The following FNTB variants were observed in gnomAD, a reference collection of about 807,000 sequenced individuals.
FNTB encodes protein farnesyltransferase subunit beta.
FNTB carries 27 observed loss-of-function variants against 59.4 expected under a neutral mutation model. The observed-to-expected ratio is 0.45, with a 90% CI of 0.34 to 0.63. The LOEUF is 0.63. Ranked by LOEUF, FNTB falls within the 20% of genes least tolerant of loss-of-function variation. FNTB has a pLI of 0.02. For synonymous variants in FNTB, 230 were observed against 220.7 expected (o/e 1.04, Z -0.37); for missense variants, 449 against 559.6 (o/e 0.80, Z 1.99).
At chr14:65,005,449 T>TTTCCTTTC (rs2061565329) in intron 2 of FNTB, among the ~76,000 whole-genome samples, 6 of 119,814 alleles carry the variant, frequency 5.0e-5, no homozygotes, top group Non-Finnish European at 7.0e-5. Flanking sequence ...TCTTCCTTTC[T>TTTCCTTTC]TTTCTTTCTT....
rs199748416 is a variant in FNTB at position 65,012,423 on chromosome 14, A to T, written c.282+34A>T. The stretch of plus-strand genomic sequence containing the variant: ...ATTACCCAGGAACTCTTGCTGTCAA[A>T]TTATCCACCAAATCCTCCTCCTTTT... On this transcript the variant is annotated intron_variant, in intron 3 of 11. Transcript: ENST00000246166. This position sits in a 1 kb window ranked among gnomAD's most constrained non-coding sequence, Gnocchi z 5.0. 1 of 1,613,152 alleles carries T rather than the reference A, an allele frequency of 6.2e-7. No individual in the cohort carries two copies. The highest frequency in any genetic ancestry group is 8.5e-7 in the Non-Finnish European group (1 of 1,179,186).
rs1029094500 is a variant in FNTB at position 65,023,527 on chromosome 14, T to A, written c.375-3926T>A. 2.6e-5 allele frequency among the ~76,000 whole-genome samples: 4 copies of A among 152,240 alleles called. No homozygotes were observed. The highest frequency in any genetic ancestry group is 1.3e-4 in the Admixed American group (2 of 15,278). Reference sequence around the variant, plus strand: ...AAAGTGGTGGTGTCCAGCAGAACTTTCTGTGATAATGAAAATGTTCTATAT... The same window carrying A: ...AAAGTGGTGGTGTCCAGCAGAACTTACTGTGATAATGAAAATGTTCTATAT... On this transcript the variant is annotated intron_variant, in intron 4 of 11. Coordinates refer to ENST00000246166, the MANE Select transcript of FNTB (RefSeq NM_002028.4). The surrounding 1 kb of genome is among the most constrained non-coding windows in gnomAD (Gnocchi z 4.1).
intron 4 of FNTB, chr14:65,021,925 C>G: frequency 2.2e-6 from 1 of 456,028 alleles, no homozygotes; most frequent in Non-Finnish European, 4.4e-6. Flanking sequence ...GGATTATAGG[C>G]GTGAGCCACT....
At chr14:65,025,409 G>A (rs986435713) in intron 4 of FNTB, among the ~76,000 whole-genome samples, 3 of 152,240 alleles carry the variant, frequency 2.0e-5, no homozygotes, top group African/African-American at 7.2e-5. Flanking sequence ...GCCAGCCTTT[G>A]TTAGGGCATG....
chr14:65,054,775 A>T lies in FNTB; in HGVS notation c.1182+86A>T. On this transcript the variant is annotated intron_variant, in intron 11 of 11. Transcript: ENST00000246166. The surrounding 1 kb of genome is among the most constrained non-coding windows in gnomAD (Gnocchi z 4.4). Reference sequence around the variant, plus strand: ...TCCAAGTAAGCAGAACTGGCTCTGCATTTCCTGTGTGGACAGGCGGAAGCT... The same window carrying T: ...TCCAAGTAAGCAGAACTGGCTCTGCTTTTCCTGTGTGGACAGGCGGAAGCT... 1 of 1,412,080 alleles carries T rather than the reference A, an allele frequency of 7.1e-7. No individual in the cohort carries two copies. The highest frequency in any genetic ancestry group is 9.7e-7 in the Non-Finnish European group (1 of 1,029,442). The allele number at this position is 1,412,080 out of a possible 1,614,324, so 87.5% of individuals were successfully genotyped here. A position where few individuals can be genotyped will look rare whatever the true frequency, so the allele number is the denominator to read the frequency against.
chr14:65,042,676 A>G (rs1337076506), intron 8 of FNTB, among the ~76,000 whole-genome samples: 1 of 152,222 alleles, frequency 6.6e-6, no homozygotes, highest in Non-Finnish European at 1.5e-5. Context: ...AGTAGGACCC[A>G]TATCTGAAGT....
intron 1 of FNTB, among the ~76,000 whole-genome samples, chr14:64,992,858 AG>A (rs771044340): frequency 5.3e-5 from 8 of 152,056 alleles, no homozygotes; most frequent in African/African-American, 9.7e-5. Context: ...TTTTTTTTAA[AG>A]ACAGGGTCTC....
chr14:65,059,939 T>G (rs962898533), intron 11 of FNTB, among the ~76,000 whole-genome samples: 4 of 150,186 alleles, frequency 2.7e-5, no homozygotes, highest in Non-Finnish European at 4.4e-5. Flanking sequence ...GTTCAAGCAA[T>G]TCTCCTGCTT....
chr14:65,015,855 C>T (rs775568631), intron 4 of FNTB, 139 bp downstream of exon 4: 20 of 892,748 alleles, frequency 2.2e-5, no homozygotes, highest in Middle Eastern at 2.8e-4. Flanking sequence ...TCATGACCTC[C>T]GGCAACTTCC....
rs1442786237 is a variant in FNTB at position 65,011,064 on chromosome 14, C to T, written c.210-1253C>T. ...GTAGTATGTTTTTCCCTTGCAAAAC[C>T]TACCCATTCTTTCCTTGTAGCCATT... is the stretch of plus-strand genomic sequence containing the variant. On this transcript the variant is annotated intron_variant, in intron 2 of 11. Transcript: ENST00000246166. The surrounding 1 kb of genome is among the most constrained non-coding windows in gnomAD (Gnocchi z 4.0). 6.6e-6 allele frequency among the ~76,000 whole-genome samples: 1 copy of T among 152,190 alleles called. No homozygotes were observed.
intron 9 of FNTB, among the ~76,000 whole-genome samples, chr14:65,053,003 T>C (rs984083892): frequency 6.6e-6 from 1 of 152,148 alleles, no homozygotes; most frequent in Non-Finnish European, 1.5e-5. Flanking sequence ...ACAGGGTGCA[T>C]TTCAAGAAAG....
chr14:65,036,020 A>G (rs1056333533), intron 7 of FNTB, among the ~76,000 whole-genome samples: 1 of 152,054 alleles, frequency 6.6e-6, no homozygotes, highest in African/African-American at 2.4e-5. Context: ...TCTTGTAAAG[A>G]CAGAGTCTCA....
chr14:64,990,910 A>G lies in FNTB; in HGVS notation c.144+3813A>G, dbSNP rs1888174133. On this transcript the variant is annotated intron_variant, in intron 1 of 11. Coordinates refer to ENST00000246166, the MANE Select transcript of FNTB (RefSeq NM_002028.4). This position sits in a 1 kb window ranked among gnomAD's most constrained non-coding sequence, Gnocchi z 5.2. ...TCTGGATATTTTTATGAAGGTCTCT[A>G]CCTTGCTAAGCTGTTTTGTTAATGC... Among the ~76,000 whole-genome samples the G allele has an allele frequency of 6.6e-6, 1 of 152,122 alleles. No individual in the cohort carries two copies. Among genetic ancestry groups the G allele is most frequent in the Non-Finnish European group, 1.5e-5 (1 of 68,016 alleles).
chr14:65,004,359 A>T (rs2061549692), intron 2 of FNTB, 46 bp downstream of exon 2: 1 of 1,580,054 alleles, frequency 6.3e-7, no homozygotes, highest in South Asian at 1.1e-5. Flanking sequence ...GAACACCACC[A>T]TGCAGCAGCC....
At position 65,014,759 on chromosome 14, in the gene FNTB, A is replaced by G. The variant is rs2061739235; in HGVS notation, c.283-866A>G. 6.6e-6 allele frequency among the ~76,000 whole-genome samples: 1 copy of G among 152,138 alleles called. No individual in the cohort carries two copies. Among genetic ancestry groups the G allele is most frequent in the Admixed American group, 6.5e-5 (1 of 15,282 alleles). On this transcript the variant is annotated intron_variant, in intron 3 of 11. Coordinates refer to ENST00000246166, the MANE Select transcript of FNTB (RefSeq NM_002028.4). This position sits in a 1 kb window ranked among gnomAD's most constrained non-coding sequence, Gnocchi z 5.1. ...AGCCCGGGAGGTTGAGGCTGCAGTG[A>G]GCTGAGATCATACCACTGCACTCTA...
chr14:65,039,079 G>A (rs1273882552), intron 7 of FNTB, among the ~76,000 whole-genome samples: 1 of 152,090 alleles, frequency 6.6e-6, no homozygotes, highest in Non-Finnish European at 1.5e-5. Context: ...CAAATGTCTG[G>A]TACTCTACAG....
Position 64,990,628 on chromosome 14 carries a change from C to T in FNTB, c.144+3531C>T, listed in dbSNP as rs1888162356. 6.6e-6 allele frequency among the ~76,000 whole-genome samples: 1 copy of T among 152,202 alleles called. No individual in the cohort carries two copies. Among genetic ancestry groups the T allele is most frequent in the African/African-American group, 2.4e-5 (1 of 41,444 alleles). On this transcript the variant is annotated intron_variant, in intron 1 of 11. Coordinates refer to ENST00000246166, the MANE Select transcript of FNTB (RefSeq NM_002028.4). The surrounding 1 kb of genome is among the most constrained non-coding windows in gnomAD (Gnocchi z 5.2). ...GTAAATAGTTCCTTTATAAACTCTCCTCAAATCACCCACTTTGTGCCATCT... is the reference window on the plus strand; with the variant it reads ...GTAAATAGTTCCTTTATAAACTCTCTTCAAATCACCCACTTTGTGCCATCT...
chr14:65,053,151 C>T (rs2139673975), intron 9 of FNTB, 87 bp from the exon 10 acceptor site: 8 of 1,066,474 alleles, frequency 7.5e-6, no homozygotes, highest in Non-Finnish European at 9.8e-6. Context: ...GAAACCTTGA[C>T]TATTCCCCCA....
At chr14:65,059,324 C>A (rs1170251063) in intron 11 of FNTB, among the ~76,000 whole-genome samples, 2 of 151,616 alleles carry the variant, frequency 1.3e-5, no homozygotes, top group African/African-American at 4.8e-5. Context: ...CTGGCCCCCG[C>A]ACTAGCCCCT....
Sources: allele counts gnomAD v4.1 joint callset (sites outside exome capture counted in the v4.1 genomes callset), GRCh38; gene constraint gnomAD v4.1.1; non-coding constraint Gnocchi (gnomAD v3.1); transcripts MANE v1.5; gene names NCBI Gene and HGNC (gene_info 2026-07-23, HGNC 2026-07-21).